The following CSMD3 variants were observed in gnomAD, a reference collection of about 807,000 sequenced individuals.
The protein encoded by CSMD3 is CUB and sushi domain-containing protein 3.
Under a neutral mutation model 435.2 loss-of-function variants are expected in CSMD3, and 177 were observed. The observed-to-expected ratio is 0.41, with a 90% CI of 0.36 to 0.46. The LOEUF (loss-of-function observed/expected upper bound fraction) is 0.46, where lower values mean the gene tolerates loss of function less well. CSMD3 is among the 20% of genes least tolerant of loss of function. The pLI is 0.34. For synonymous variants in CSMD3, 1,656 were observed against 1,520.5 expected, an observed-to-expected ratio of 1.09 and a Z score of -2.07; for missense variants, 4,265 against 4,504.6, an observed-to-expected ratio of 0.95 and a Z score of 1.52.
intron 9 of CSMD3, among the ~76,000 whole-genome samples, chr8:112,945,586 A>ATGTGTGTG (rs1491548273): frequency 3.0e-5 from 3 of 100,372 alleles, no homozygotes; most frequent in Admixed American, 1.2e-4. Flanking sequence ...GAATACAGAA[A>ATGTGTGTG]TATGTGTGTG....
intron 32 of CSMD3, among the ~76,000 whole-genome samples, chr8:112,424,178 G>T (rs1812812309): frequency 6.6e-6 from 1 of 152,010 alleles, no homozygotes; most frequent in African/African-American, 2.4e-5. Context: ...CTACTTGCAG[G>T]AATAATTAAC....
intron 22 of CSMD3, among the ~76,000 whole-genome samples, chr8:112,628,018 G>A (rs1044730813): frequency 6.6e-5 from 10 of 152,232 alleles, no homozygotes; most frequent in South Asian, 2.1e-4. Flanking sequence ...GACTGGCTGC[G>A]TTCTAAAAGG....
At chr8:113,388,934 T>A (rs2094450304) in intron 1 of CSMD3, among the ~76,000 whole-genome samples, 1 of 151,636 alleles carries the variant, frequency 6.6e-6, no homozygotes, top group Non-Finnish European at 1.5e-5. Context: ...GTAAGAGCGC[T>A]GGAAGTTTTT....
chr8:112,489,756 A>AC (rs1483935199), intron 31 of CSMD3, among the ~76,000 whole-genome samples: 2 of 152,146 alleles, frequency 1.3e-5, no homozygotes, highest in African/African-American at 4.8e-5. Flanking sequence ...GTTTTACTAT[A>AC]CTAGAAATTA....
At chr8:112,608,617 C>T (rs565895790) in intron 22 of CSMD3, among the ~76,000 whole-genome samples, 13 of 151,596 alleles carry the variant, frequency 8.6e-5, no homozygotes, top group African/African-American at 2.2e-4. Context: ...CACACACACA[C>T]GTATGTGTTT....
At chr8:112,787,873 G>C (rs998220670) in intron 13 of CSMD3, among the ~76,000 whole-genome samples, 26 of 152,046 alleles carry the variant, frequency 1.7e-4, no homozygotes, top group Non-Finnish European at 3.4e-4. Context: ...ATAAGATCTT[G>C]TATTTAATAG....
chr8:112,472,728 T>A (rs755400786), intron 31 of CSMD3, 21 bp from the exon 32 acceptor site: 1 of 1,347,530 alleles, frequency 7.4e-7, no homozygotes, highest in Non-Finnish European at 1.1e-6. Flanking sequence ...ATGGCAAAAA[T>A]ATCATTTTTA....
intron 30 of CSMD3, among the ~76,000 whole-genome samples, chr8:112,497,892 G>C (rs2130885707): frequency 6.6e-6 from 1 of 152,168 alleles, no homozygotes; most frequent in Admixed American, 6.5e-5. Flanking sequence ...GCGGGGGTTT[G>C]AGGACCAGGT....
chr8:112,524,918 T>C (rs1824705285), intron 27 of CSMD3, among the ~76,000 whole-genome samples: 1 of 152,040 alleles, frequency 6.6e-6, no homozygotes, highest in African/African-American at 2.4e-5. Flanking sequence ...CCACATTTAA[T>C]GCCCTTTTTA....
chr8:112,807,537 T>A (rs13268502), intron 12 of CSMD3, among the ~76,000 whole-genome samples: 2,801 of 87,330 alleles, frequency 0.032, 43 homozygotes, highest in East Asian at 0.094. Context: ...GGTAGGTAGG[T>A]AGGAAATACA....
chr8:113,003,093 A>T (rs1050308629), intron 6 of CSMD3, among the ~76,000 whole-genome samples: 2 of 151,920 alleles, frequency 1.3e-5, no homozygotes, highest in African/African-American at 4.8e-5. Flanking sequence ...AAACAATACA[A>T]AATTAGCTGG....
At chr8:113,337,275 A>T (rs1168704661) in intron 1 of CSMD3, among the ~76,000 whole-genome samples, 1 of 152,060 alleles carries the variant, frequency 6.6e-6, no homozygotes, top group African/African-American at 2.4e-5. Flanking sequence ...TATAACATAG[A>T]GGGTTTTTAG....
At chr8:112,957,546 C>T (rs76299864) in intron 7 of CSMD3, among the ~76,000 whole-genome samples, 12 of 151,354 alleles carry the variant, frequency 7.9e-5, no homozygotes, top group Non-Finnish European at 1.3e-4. Flanking sequence ...CTCCGTCCCC[C>T]GGATTCAAGC....
At chr8:112,515,026 TTAAG>T (rs1462317908) in intron 28 of CSMD3, among the ~76,000 whole-genome samples, 1 of 152,080 alleles carries the variant, frequency 6.6e-6, no homozygotes, top group Non-Finnish European at 1.5e-5. Flanking sequence ...CCTGCTTAAC[TTAAG>T]TAAGACTTAG....
chr8:112,504,099 C>A (rs189184579), intron 29 of CSMD3, 122 bp from the exon 30 acceptor site: 2 of 603,076 alleles, frequency 3.3e-6, no homozygotes, highest in East Asian at 5.9e-5. Flanking sequence ...ATAAAAGACG[C>A]TGTCAAAATA....
intron 4 of CSMD3, among the ~76,000 whole-genome samples, chr8:113,132,880 C>T (rs1055238836): frequency 6.6e-6 from 1 of 152,040 alleles, no homozygotes; most frequent in African/African-American, 2.4e-5. Flanking sequence ...CAAAATGTAT[C>T]CTGTGACCTC....
chr8:112,781,155 A>G (rs1053902811), intron 13 of CSMD3, among the ~76,000 whole-genome samples: 1 of 151,786 alleles, frequency 6.6e-6, no homozygotes, highest in Admixed American at 6.6e-5. Flanking sequence ...CCCTGATTCC[A>G]GGTATTTATA....
At chr8:112,899,931 G>T (rs1048635014) in intron 10 of CSMD3, among the ~76,000 whole-genome samples, 2 of 150,668 alleles carry the variant, frequency 1.3e-5, no homozygotes, top group Admixed American at 6.7e-5. Context: ...ATTTTTATTT[G>T]TTAGAATAAA....
chr8:112,406,407 A>C (rs1831864888), intron 35 of CSMD3, 117 bp downstream of exon 35: 2 of 565,022 alleles, frequency 3.5e-6, no homozygotes, highest in Non-Finnish European at 6.1e-6. Flanking sequence ...CATACTTATT[A>C]AATTATTTAA....
Sources: gnomAD v4.1 joint callset for allele counts (sites outside exome capture counted in the v4.1 genomes callset) on GRCh38, gnomAD v4.1.1 for gene constraint, MANE v1.5 for transcripts, NCBI Gene and HGNC (gene_info 2026-07-23, HGNC 2026-07-21) for gene names.